ETV7: variants seen among roughly 807,000 people sequenced by gnomAD.
The protein encoded by ETV7 is ETS variant transcription factor 7.
In ETV7, 43 loss-of-function variants were observed where a neutral mutation model predicts 39.1. The observed-to-expected ratio is 1.10, with a 90% CI of 0.86 to 1.42. The LOEUF is 1.42. Ranked by LOEUF, ETV7 falls within the 40% of genes most tolerant of loss-of-function variation. The probability of loss-of-function intolerance (pLI) is 0.00; values close to 1 mark genes in which losing one functional copy is unlikely to be tolerated. For missense variants in ETV7, 432 were observed against 442.3 expected (o/e 0.98, Z 0.21); for synonymous variants, 196 against 176.6 (o/e 1.11, Z -0.87).
chr6:36,376,519 T>C (rs556503037), intron 2 of ETV7, among the ~76,000 whole-genome samples: 6 of 152,310 alleles, frequency 3.9e-5, no homozygotes, highest in Admixed American at 3.9e-4. Context: ...GGCTCATGCC[T>C]GTAATCTCAG....
intron 2 of ETV7, among the ~76,000 whole-genome samples, chr6:36,383,666 G>A (rs566116070): frequency 2.6e-5 from 4 of 152,312 alleles, no homozygotes; most frequent in South Asian, 2.1e-4. Flanking sequence ...CTGAAAAGTC[G>A]AATCTTCATT....
At chr6:36,383,269 T>C (rs1390270461) in intron 2 of ETV7, among the ~76,000 whole-genome samples, 2 of 152,020 alleles carry the variant, frequency 1.3e-5, no homozygotes, top group Non-Finnish European at 2.9e-5. Flanking sequence ...CAGGGAAGCA[T>C]AGTTGTGAAT....
intron 5 of ETV7, 102 bp from the exon 6 acceptor site, chr6:36,369,173 G>A: frequency 7.4e-7 from 1 of 1,343,144 alleles, no homozygotes; most frequent in Non-Finnish European, 1.0e-6. Context: ...AGAGCCCTAG[G>A]AGCACCAGCA....
chr6:36,366,672 C>A lies in ETV7; in HGVS notation c.999G>T (p.Lys333Asn), dbSNP rs1772736225. ...ESQEQDRIEF[K>N]DKRPEISP ...ACGGAGAGATTTCTGGCCTCTTGTC[C>A]TTGAACTCTATTCTGTCCTGCTCCT... is the stretch of plus-strand genomic sequence containing the variant. The change falls in exon 8 of 8, where the codon AAG becomes AAT. Residue 333 changes from lysine (K) to asparagine (N), a missense_variant. By Grantham distance (94) the Lys-to-Asn change is moderately conservative. Coordinates refer to ENST00000340181, the MANE Select transcript of ETV7 (RefSeq NM_016135.4). 1.2e-6 allele frequency: 2 copies of A among 1,614,114 alleles called. No homozygotes were observed. Among genetic ancestry groups the A allele is most frequent in the South Asian group, 2.2e-5 (2 of 91,080 alleles).
At chr6:36,372,905 C>G (rs1359310267) in intron 4 of ETV7, among the ~76,000 whole-genome samples, 1 of 151,512 alleles carries the variant, frequency 6.6e-6, no homozygotes, top group African/African-American at 2.4e-5. Flanking sequence ...TGCCCAGCAT[C>G]TGAATGCAGA....
At chr6:36,360,601 C>T (rs747420201) in intron 7 of ETV7, among the ~76,000 whole-genome samples, 4 of 152,150 alleles carry the variant, frequency 2.6e-5, no homozygotes, top group Non-Finnish European at 5.9e-5. Flanking sequence ...TGAGAGAAGG[C>T]AGGCTTGCTG....
intron 2 of ETV7, among the ~76,000 whole-genome samples, chr6:36,376,966 G>T (rs899299299): frequency 1.3e-5 from 2 of 152,064 alleles, no homozygotes; most frequent in East Asian, 1.9e-4. Flanking sequence ...CAGCCCAGGG[G>T]ACAAAGGGAG....
chr6:36,371,492 T>C lies in ETV7; in HGVS notation c.502A>G (p.Thr168Ala), dbSNP rs753724602. The change falls in exon 5 of 8, where the codon ACC becomes GCC. Residue 168 changes from threonine (T) to alanine (A), a missense_variant. By Grantham distance (58) the Thr-to-Ala change is moderately conservative (BLOSUM62 0). Coordinates refer to ENST00000340181, the MANE Select transcript of ETV7 (RefSeq NM_016135.4). ...TCATCCAGGTGGCCGAAGTTGCTGGTAAGCCCTGGGTCTGGTGGCTGCAGC... is the reference window on the plus strand; with the variant it reads ...TCATCCAGGTGGCCGAAGTTGCTGGCAAGCCCTGGGTCTGGTGGCTGCAGC... ...HLLQPPDPGLTSNFGHLDDPG... is the reference protein window; with the variant it reads ...HLLQPPDPGLASNFGHLDDPG... 6.2e-7 allele frequency: 1 copy of C among 1,605,936 alleles called. No homozygotes were observed. Among genetic ancestry groups the C allele is most frequent in the East Asian group, 2.2e-5 (1 of 44,748 alleles).
At chr6:36,371,115 T>A (rs1440664127) in intron 5 of ETV7, among the ~76,000 whole-genome samples, 1 of 152,236 alleles carries the variant, frequency 6.6e-6, no homozygotes, top group Non-Finnish European at 1.5e-5. Flanking sequence ...AAATTGTCCC[T>A]GTGTGGGAGA....
intron 7 of ETV7, among the ~76,000 whole-genome samples, chr6:36,357,876 TCAAAAA>T (rs141071547): frequency 0.041 from 6,244 of 151,886 alleles, 237 homozygotes; most frequent in East Asian, 0.13. Context: ...AGATTCTGTC[TCAAAAA>T]CAAAAACAAA....
Position 36,366,246 on chromosome 6 carries a change from A to T in ETV7, c.*399T>A. The T allele has an allele frequency of 9.6e-7, 1 of 1,042,576 alleles. No individual in the cohort carries two copies. The allele number at this position is 1,042,576 out of a possible 1,614,324, so 64.6% of individuals were successfully genotyped here. On this transcript the variant is annotated 3_prime_UTR_variant, in exon 8 of 8. Coordinates refer to ENST00000340181, the MANE Select transcript of ETV7 (RefSeq NM_016135.4). ...GAGGCTGTCAGTGCCGCCTGGAAGCACTAACACTTTTTCCCATTTCCTGCC... is the reference window on the plus strand; with the variant it reads ...GAGGCTGTCAGTGCCGCCTGGAAGCTCTAACACTTTTTCCCATTTCCTGCC...
intron 2 of ETV7, among the ~76,000 whole-genome samples, chr6:36,379,033 G>A (rs998804968): frequency 2.6e-5 from 4 of 152,244 alleles, no homozygotes; most frequent in Non-Finnish European, 5.9e-5. Context: ...TGGGAGATGA[G>A]TCTGGTGATA....
chr6:36,380,895 C>T (rs1773618598), intron 2 of ETV7, among the ~76,000 whole-genome samples: 1 of 151,676 alleles, frequency 6.6e-6, no homozygotes, highest in African/African-American at 2.4e-5. Context: ...CCCGACTGGA[C>T]CTCTCTTCCC....
downstream of ETV7, among the ~76,000 whole-genome samples, chr6:36,362,295 C>CT (rs1310595753): frequency 2.0e-5 from 3 of 150,226 alleles, no homozygotes; most frequent in Non-Finnish European, 2.9e-5. Flanking sequence ...GAGCGAGACT[C>CT]TGTCTCAAAA....
At position 36,368,352 on chromosome 6, in the gene ETV7, A is replaced by G. The variant is rs143659974; in HGVS notation, c.807+577T>C. Among the ~76,000 whole-genome samples the G allele has an allele frequency of 3.0e-3, 452 of 152,318 alleles. 5 individuals carry two copies. The highest frequency in any genetic ancestry group is 0.025 in the South Asian group (121 of 4,828). ...TCTTTAAAAGATTTTTTTTACTTAA[A>G]GAAACCTATTTATTTTAAAAGGCTA... On this transcript the variant is annotated intron_variant, in intron 6 of 7. Coordinates refer to ENST00000340181, the MANE Select transcript of ETV7 (RefSeq NM_016135.4).
chr6:36,362,927 C>T (rs1307591609), downstream of ETV7, among the ~76,000 whole-genome samples: 1 of 152,250 alleles, frequency 6.6e-6, no homozygotes, highest in Non-Finnish European at 1.5e-5. Flanking sequence ...AATCCATCCT[C>T]CTGCTTCATC....
chr6:36,384,969 A>T (rs1773822485), intron 2 of ETV7, among the ~76,000 whole-genome samples: 1 of 152,104 alleles, frequency 6.6e-6, no homozygotes, highest in South Asian at 2.1e-4. Context: ...CAAAAATTAA[A>T]TTTTTAATTG....
intron 2 of ETV7, among the ~76,000 whole-genome samples, chr6:36,377,145 C>A (rs116108586): frequency 8.8e-4 from 134 of 152,300 alleles, no homozygotes; most frequent in African/African-American, 3.1e-3. Context: ...GCCCTTGACA[C>A]ATTTGCCTTT....
chr6:36,380,220 T>C (rs888633273), intron 2 of ETV7, among the ~76,000 whole-genome samples: 9 of 152,226 alleles, frequency 5.9e-5, no homozygotes, highest in Non-Finnish European at 1.3e-4. Flanking sequence ...CTGACCCAGT[T>C]GCCAGGATGA....
Sources: gnomAD v4.1 joint callset for allele counts (sites outside exome capture counted in the v4.1 genomes callset) on GRCh38, gnomAD v4.1.1 for gene constraint, MANE v1.5 for transcripts, NCBI Gene and HGNC (gene_info 2026-07-23, HGNC 2026-07-21) for gene names.